Variants in TMEM8B observed in about 807,000 individuals in gnomAD.
TMEM8B encodes transmembrane protein 8B, also known as nasopharyngeal carcinoma expressed 6.
TMEM8B carries 29 observed loss-of-function variants against 49.3 expected under a neutral mutation model. The observed-to-expected ratio is 0.59, with a 90% CI of 0.44 to 0.80. The LOEUF is 0.80. TMEM8B is among the 30% of genes least tolerant of loss of function. The pLI is 0.00. For synonymous variants in TMEM8B, 264 were observed against 272.8 expected, an observed-to-expected ratio of 0.97 and a Z score of 0.32; for missense variants, 575 against 658.5, an observed-to-expected ratio of 0.87 and a Z score of 1.39.
At chr9:35,831,430 G>A (rs544176191) in intron 1 of TMEM8B, among the ~76,000 whole-genome samples, 1 of 152,328 alleles carries the variant, frequency 6.6e-6, no homozygotes, top group East Asian at 1.9e-4. Flanking sequence ...GGGCAGTGTT[G>A]CATGCCTCCC....
At position 35,857,330 on chromosome 9, in the gene TMEM8B, G is replaced by T. The variant is rs925622264; in HGVS notation, c.*3490G>T. Reference sequence around the variant, plus strand: ...AGTTAGATGGGACAAGTGTGAAGTGGAAGATCCTGACAAAGTGCTGTAGGA... The same window carrying T: ...AGTTAGATGGGACAAGTGTGAAGTGTAAGATCCTGACAAAGTGCTGTAGGA... On this transcript the variant is annotated 3_prime_UTR_variant, in exon 13 of 13. Coordinates refer to ENST00000643932, the MANE Select transcript of TMEM8B (RefSeq NM_001042590.4). 1 of 152,266 alleles carries T rather than the reference G, an allele frequency of 6.6e-6. No individual in the cohort carries two copies. Among genetic ancestry groups the T allele is most frequent in the Non-Finnish European group, 1.5e-5 (1 of 68,068 alleles). The allele number at this position is 152,266 out of a possible 1,614,324, so 9.4% of individuals were successfully genotyped here. A position where few individuals can be genotyped will look rare whatever the true frequency, so the allele number is the denominator to read the frequency against.
chr9:35,841,559 A>C lies in TMEM8B; in HGVS notation c.1074A>C (p.Ser358=). ...VFVPSFTYRV[S]AQLVCVGGRG... ...TGCCCAGCTTCACTTACAGGGTTTC[A>C]GCACAGCTGGTGTGTGTGGGGGGCC... Residue 358 remains serine (S), a synonymous_variant, in exon 5 of 13, where the codon TCA becomes TCC. Coordinates refer to ENST00000643932, the MANE Select transcript of TMEM8B (RefSeq NM_001042590.4). The surrounding 1 kb of genome is among the most constrained non-coding windows in gnomAD (Gnocchi z 5.9). 2.4e-6 allele frequency: 1 copy of C among 416,948 alleles called. No homozygotes were observed. 25.8% of individuals were successfully genotyped at this position (416,948 alleles called of 1,614,324 possible).
intron 3 of TMEM8B, among the ~76,000 whole-genome samples, chr9:35,838,648 A>G (rs534558804): frequency 6.6e-6 from 1 of 152,288 alleles, no homozygotes; most frequent in East Asian, 1.9e-4. Context: ...TGTCTCATAC[A>G]GTATTTAGTA....
In TMEM8B at chr9:35,855,831, G is replaced by C. The variant is rs974770822; in HGVS notation, c.*1991G>C. Reference sequence around the variant, plus strand: ...CGTCTCTTCCATGGGGCACTGAGCAGAGAATGGTGTGGCCAAGTGAGTAGT... The same window carrying C: ...CGTCTCTTCCATGGGGCACTGAGCACAGAATGGTGTGGCCAAGTGAGTAGT... On this transcript the variant is annotated 3_prime_UTR_variant, in exon 13 of 13. Transcript: ENST00000643932. 2.6e-5 allele frequency: 4 copies of C among 152,266 alleles called. No homozygotes were observed. The highest frequency in any genetic ancestry group is 4.8e-5 in the African/African-American group (2 of 41,468). 9.4% of individuals were successfully genotyped at this position (152,266 alleles called of 1,614,324 possible).
In TMEM8B at chr9:35,841,189, T is replaced by C; in HGVS notation, c.962T>C (p.Leu321Ser). 2 of 416,028 alleles carry C rather than the reference T, an allele frequency of 4.8e-6. No homozygotes were observed. The highest frequency in any genetic ancestry group is 8.8e-6 in the Non-Finnish European group (2 of 226,614). 25.8% of individuals were successfully genotyped at this position (416,028 alleles called of 1,614,324 possible). A position where few individuals can be genotyped will look rare whatever the true frequency, so the allele number is the denominator to read the frequency against. ...LLQPQLIVRR[L>S]LDVAVLVPGR... is the part of the protein sequence containing the mutation. ...CAGCCGCAGCTGATTGTCCGGCGTT[T>C]GCTGGACGTCGCTGTGCTGGTTCCT... Residue 321 changes from leucine to serine, a missense_variant, in exon 4 of 13, where the codon TTG (leucine) becomes TCG (serine). Leu to Ser is a moderately radical substitution (Grantham distance 145). Transcript: ENST00000643932. The surrounding 1 kb of genome is among the most constrained non-coding windows in gnomAD (Gnocchi z 5.9).
At chr9:35,836,001 C>CA (rs764616249) in intron 3 of TMEM8B, among the ~76,000 whole-genome samples, 3 of 152,170 alleles carry the variant, frequency 2.0e-5, no homozygotes, top group African/African-American at 7.2e-5. Context: ...TGGCTGTTGT[C>CA]AGAGTGGGAT....
chr9:35,851,669 A>G (rs1257170372), intron 10 of TMEM8B, among the ~76,000 whole-genome samples: 2 of 152,240 alleles, frequency 1.3e-5, no homozygotes, highest in African/African-American at 4.8e-5. Context: ...AGGAAAAGAA[A>G]GAAGATAGAT....
Position 35,846,622 on chromosome 9 carries a change from T to A in TMEM8B, c.1996+11T>A. 6.3e-7 allele frequency: 1 copy of A among 1,574,918 alleles called. No individual in the cohort carries two copies. The highest frequency in any genetic ancestry group is 8.6e-7 in the Non-Finnish European group (1 of 1,159,356). ...GCGAGTGCAAGGCCGGTGAGCAGGC[T>A]GGCGAGGGAGCGGGCTGCGGTGGAC... is the stretch of plus-strand genomic sequence containing the variant. On this transcript the variant is annotated intron_variant, in intron 9 of 12. Coordinates refer to ENST00000643932, the MANE Select transcript of TMEM8B (RefSeq NM_001042590.4).
In TMEM8B at chr9:35,846,456, A is replaced by G; in HGVS notation, c.1854-13A>G. ...TGGCCCGGGGCCCCAGGTGACTGCG[A>G]GTTTGTGCGCAGGTTCGTGCGGTGC... On this transcript the variant is annotated splice_polypyrimidine_tract_variant and intron_variant, in intron 8 of 12. Coordinates refer to ENST00000643932, the MANE Select transcript of TMEM8B (RefSeq NM_001042590.4). The G allele has an allele frequency of 1.3e-6, 2 of 1,597,226 alleles. No individual in the cohort carries two copies. Among genetic ancestry groups the G allele is most frequent in the Non-Finnish European group, 1.7e-6 (2 of 1,171,216 alleles).
chr9:35,834,300 T>C (rs1241607545), intron 1 of TMEM8B, among the ~76,000 whole-genome samples, 161 bp from the exon 2 acceptor site: 2 of 152,126 alleles, frequency 1.3e-5, no homozygotes, highest in East Asian at 3.9e-4. Flanking sequence ...TTAAACCAGA[T>C]GATGGCTAGG....
At position 35,846,355 on chromosome 9, in the gene TMEM8B, C is replaced by T. The variant is rs1451717149; in HGVS notation, c.1827C>T (p.Leu609=). Residue 609 remains leucine (L), a synonymous_variant, in exon 8 of 13, where the codon CTC becomes CTT. Transcript: ENST00000643932. ...AGACGGGGACCTGGTTCCTGGCCCTCCGCTCCCTGTGCGGGGTGGGGCCTC... is the reference window on the plus strand; with the variant it reads ...AGACGGGGACCTGGTTCCTGGCCCTTCGCTCCCTGTGCGGGGTGGGGCCTC... ...FPQTGTWFLA[L]RSLCGVGPRF... The T allele has an allele frequency of 6.2e-7, 1 of 1,613,812 alleles. No individual in the cohort carries two copies. Among genetic ancestry groups the T allele is most frequent in the African/African-American group, 1.3e-5 (1 of 74,956 alleles).
At chr9:35,833,335 G>A in intron 1 of TMEM8B, 23 of 985,298 alleles carry the variant, frequency 2.3e-5, no homozygotes, top group Non-Finnish European at 2.8e-5. Flanking sequence ...CACCTGTCCT[G>A]GAGGTGTCAT....
rs1832561339 is a variant in TMEM8B, at chr9:35,856,932, A to C, written c.*3092A>C. On this transcript the variant is annotated 3_prime_UTR_variant, in exon 13 of 13. Coordinates refer to ENST00000643932, the MANE Select transcript of TMEM8B (RefSeq NM_001042590.4). ...CAGTGCTGGACGTAGCCGCTGAACC[A>C]GGCCTGTCTCCAGGCTCCCAAAATG... 1.3e-5 allele frequency: 2 copies of C among 152,220 alleles called. No homozygotes were observed. The highest frequency in any genetic ancestry group is 6.5e-5 in the Admixed American group (1 of 15,286). The allele number at this position is 152,220 out of a possible 1,614,324, so 9.4% of individuals were successfully genotyped here. A position where few individuals can be genotyped will look rare whatever the true frequency, so the allele number is the denominator to read the frequency against.
chr9:35,852,844 C>T lies in TMEM8B; in HGVS notation c.2193C>T (p.Asp731=), dbSNP rs1053565455. ...TCCTTCAGTTCTATCATGCCTGTGA[C>T]CAGCCAGGCATCGTGGTTTTCTGCA... ...MFFSTFYHAC[D]QPGIVVFCIM... Residue 731 remains aspartate (D), a synonymous_variant, in exon 11 of 13, where the codon GAC becomes GAT. Coordinates refer to ENST00000643932, the MANE Select transcript of TMEM8B (RefSeq NM_001042590.4). 2.1e-5 allele frequency: 34 copies of T among 1,614,074 alleles called. No homozygotes were observed. Among genetic ancestry groups the T allele is most frequent in the Non-Finnish European group, 2.8e-5 (33 of 1,180,034 alleles).
chr9:35,830,695 T>C (rs1235439000), intron 1 of TMEM8B, among the ~76,000 whole-genome samples: 1 of 151,962 alleles, frequency 6.6e-6, no homozygotes, highest in Non-Finnish European at 1.5e-5. Flanking sequence ...AATAGAAAAA[T>C]AGACCCAAGT....
intron 10 of TMEM8B, among the ~76,000 whole-genome samples, chr9:35,849,440 G>A (rs1338890952): frequency 6.6e-6 from 1 of 152,212 alleles, no homozygotes; most frequent in Admixed American, 6.5e-5. Flanking sequence ...GACATACACT[G>A]AATATGTGCT....
At chr9:35,851,298 C>T (rs958668185) in intron 10 of TMEM8B, among the ~76,000 whole-genome samples, 1 of 151,412 alleles carries the variant, frequency 6.6e-6, no homozygotes, top group Admixed American at 6.6e-5. Context: ...CACACGCTAC[C>T]GTGCCCAGCT....
At chr9:35,831,046 G>A (rs947396937) in intron 1 of TMEM8B, among the ~76,000 whole-genome samples, 1 of 152,204 alleles carries the variant, frequency 6.6e-6, no homozygotes, top group Non-Finnish European at 1.5e-5. Flanking sequence ...AGAACAGCTG[G>A]GGGGTGGAGA....
chr9:35,846,270 G>A lies in TMEM8B; in HGVS notation c.1742G>A (p.Gly581Asp). 1 of 1,614,198 alleles carries A rather than the reference G, an allele frequency of 6.2e-7. No individual in the cohort carries two copies. Among genetic ancestry groups the A allele is most frequent in the South Asian group, 1.1e-5 (1 of 91,088 alleles). ...CTTCTCCCTTCAGAGTCCCTGGCCGGCTTCCTCCTCTCTGTCAGTGCCACC... is the reference window on the plus strand; with the variant it reads ...CTTCTCCCTTCAGAGTCCCTGGCCGACTTCCTCCTCTCTGTCAGTGCCACC... The part of the protein sequence containing the change: ...AVTCSKESLA[G>D]FLLSVSATTR... The change falls in exon 8 of 13, where the codon GGC becomes GAC. Residue 581 changes from glycine (G) to aspartate (D), a missense_variant. By Grantham distance (94) the Gly-to-Asp change is moderately conservative. Coordinates refer to ENST00000643932, the MANE Select transcript of TMEM8B (RefSeq NM_001042590.4).
Sources: gnomAD v4.1 joint callset for allele counts (sites outside exome capture counted in the v4.1 genomes callset) on GRCh38, gnomAD v4.1.1 for gene constraint, Gnocchi (gnomAD v3.1) non-coding constraint, MANE v1.5 for transcripts, NCBI Gene and HGNC (gene_info 2026-07-23, HGNC 2026-07-21) for gene names.